DENND5A: variants seen among roughly 807,000 people sequenced by gnomAD.
The protein encoded by DENND5A is DENN domain-containing protein 5A.
Under a neutral mutation model 140.3 loss-of-function variants are expected in DENND5A, and 64 were observed. That is an observed-to-expected ratio of 0.46 (90% CI 0.37 to 0.56). DENND5A has a LOEUF of 0.56. Ranked by LOEUF, DENND5A falls within the 20% of genes least tolerant of loss-of-function variation. The pLI is 0.00. For synonymous variants in DENND5A, 605 were observed against 607.7 expected (o/e 1.00, Z 0.07); for missense variants, 1,292 against 1,593.8 (o/e 0.81, Z 3.22).
At chr11:9,174,102 C>CAAAAAAAAAAAAAAAAA (rs57703622) in intron 8 of DENND5A, among the ~76,000 whole-genome samples, 3 of 42,150 alleles carry the variant, frequency 7.1e-5, no homozygotes, top group Non-Finnish European at 8.3e-5. Flanking sequence ...GACTCCGTCT[C>CAAAAAAAAAAAAAAAAA]AAAAAAAAAA....
At chr11:9,166,350 T>A (rs1407666465) in intron 10 of DENND5A, among the ~76,000 whole-genome samples, 1 of 152,216 alleles carries the variant, frequency 6.6e-6, no homozygotes, top group Non-Finnish European at 1.5e-5. Context: ...GTACTGAGAT[T>A]ACAGGCATGA....
intron 12 of DENND5A, among the ~76,000 whole-genome samples, chr11:9,153,009 AAC>A (rs1847676686): frequency 6.7e-6 from 1 of 148,720 alleles, no homozygotes. Flanking sequence ...AAAAAAAAAA[AAC>A]AAAAAAGAAA....
intron 1 of DENND5A, among the ~76,000 whole-genome samples, chr11:9,258,278 C>A (rs113351500): frequency 0.063 from 8,125 of 128,764 alleles, 311 homozygotes; most frequent in South Asian, 0.12. Context: ...CTCCCCTAGT[C>A]CCCCACCCCC....
intron 8 of DENND5A, among the ~76,000 whole-genome samples, chr11:9,174,146 A>C (rs1015258643): frequency 6.6e-6 from 1 of 150,580 alleles, no homozygotes; most frequent in African/African-American, 2.4e-5. Context: ...AAAATTGAAA[A>C]TATTCAATTA....
At chr11:9,215,206 ATT>A (rs1389326718) in intron 1 of DENND5A, among the ~76,000 whole-genome samples, 3 of 152,152 alleles carry the variant, frequency 2.0e-5, no homozygotes, top group African/African-American at 7.2e-5. Flanking sequence ...CACAGCCATT[ATT>A]TTTATTGATG....
At chr11:9,235,396 C>T (rs566297202) in intron 1 of DENND5A, among the ~76,000 whole-genome samples, 21 of 152,250 alleles carry the variant, frequency 1.4e-4, no homozygotes, top group African/African-American at 4.6e-4. Flanking sequence ...GGGTGGCTCA[C>T]GCCTGTAATC....
Position 9,165,939 on chromosome 11 carries a change from C to G in DENND5A, c.2180G>C (p.Gly727Ala), listed in dbSNP as rs1290008101. The change falls in exon 11 of 23, where the codon GGC becomes GCC. Residue 727 changes from glycine to alanine, a missense_variant. Physicochemically the swap from Gly to Ala is moderately conservative, Grantham distance 60 (BLOSUM62 0). Coordinates refer to ENST00000328194, the MANE Select transcript of DENND5A (RefSeq NM_015213.4). Reference sequence around the variant, plus strand: ...CAGTTTGGGCTGGCGGATAGTGCTGCCCATAGTCCTGGCTTCCTGGATGTA... The same window carrying G: ...CAGTTTGGGCTGGCGGATAGTGCTGGCCATAGTCCTGGCTTCCTGGATGTA... ...EKYIQEARTM[G>A]STIRQPKLSN... 1.9e-6 allele frequency: 3 copies of G among 1,614,038 alleles called. No individual in the cohort carries two copies. In the African/African-American group the frequency reaches 4.0e-5, roughly 22 times the overall value.
At chr11:9,261,246 G>T (rs1852185402) in intron 1 of DENND5A, among the ~76,000 whole-genome samples, 1 of 152,042 alleles carries the variant, frequency 6.6e-6, no homozygotes, top group South Asian at 2.1e-4. Context: ...GCTTATTCTG[G>T]GTTCACTTTT....
At chr11:9,160,909 G>A in intron 11 of DENND5A, 44 bp from the exon 12 acceptor site, 1 of 1,596,374 alleles carries the variant, frequency 6.3e-7, no homozygotes, top group Non-Finnish European at 8.6e-7. Context: ...ACAGTGAGCA[G>A]GATTACATAC....
At chr11:9,159,329 T>C (rs1847905299) in intron 12 of DENND5A, among the ~76,000 whole-genome samples, 1 of 151,472 alleles carries the variant, frequency 6.6e-6, no homozygotes, top group Non-Finnish European at 1.5e-5. Context: ...TTCTTTTTTT[T>C]TTTTTTTTGA....
rs529243582 is a variant in DENND5A, at chr11:9,234,320, C to T, written c.110-26688G>A. On this transcript the variant is annotated intron_variant, in intron 1 of 22. Transcript: ENST00000328194. ...CTCAATCTTTCCCACCGATCCCCCC[C>T]CCAAAAAAATGAGCAAAAAGAGAAA... 1.0e-3 allele frequency among the ~76,000 whole-genome samples: 153 copies of T among 152,064 alleles called. 2 individuals are homozygous for T. The highest frequency in any genetic ancestry group is 3.4e-3 in the African/African-American group (143 of 41,490).
rs1427104230 is a variant in DENND5A at position 9,229,524 on chromosome 11, C to T, written c.110-21892G>A. Among the ~76,000 whole-genome samples the T allele has an allele frequency of 4.6e-5, 7 of 152,150 alleles. No individual in the cohort carries two copies. In the South Asian group the frequency reaches 1.2e-3, roughly 27 times the overall value. ...AACCAGAATCCCCCTTTCCCCAAGG[C>T]GGGTCACAGATAATAGAAAAGCAAG... On this transcript the variant is annotated intron_variant, in intron 1 of 22. Transcript: ENST00000328194.
chr11:9,174,982 GA>G (rs1554917827), intron 8 of DENND5A, among the ~76,000 whole-genome samples: 1 of 148,862 alleles, frequency 6.7e-6, no homozygotes, highest in Admixed American at 6.8e-5. Context: ...AGAAGAAGAA[GA>G]AAAAGAAAAG....
chr11:9,259,551 G>GT (rs1852101365), intron 1 of DENND5A, among the ~76,000 whole-genome samples: 1 of 152,088 alleles, frequency 6.6e-6, no homozygotes, highest in Admixed American at 6.6e-5. Flanking sequence ...GGGCGACAGA[G>GT]TGAGACTCCC....
At chr11:9,264,636 A>G (rs1852361181) in intron 1 of DENND5A, among the ~76,000 whole-genome samples, 1 of 152,036 alleles carries the variant, frequency 6.6e-6, no homozygotes, top group Non-Finnish European at 1.5e-5. Context: ...TCCCTCCCTA[A>G]TGGGTGCCAG....
chr11:9,168,939 T>C (rs1200908093), intron 10 of DENND5A, among the ~76,000 whole-genome samples: 1 of 152,154 alleles, frequency 6.6e-6, no homozygotes, highest in African/African-American at 2.4e-5. Flanking sequence ...AGTTTATAAC[T>C]AGAAACTTAA....
intron 1 of DENND5A, among the ~76,000 whole-genome samples, chr11:9,248,287 T>G (rs1851565056): frequency 6.6e-6 from 1 of 152,066 alleles, no homozygotes; most frequent in South Asian, 2.1e-4. Context: ...CCAGCTGGAA[T>G]TTCGTATCTT....
intron 16 of DENND5A, among the ~76,000 whole-genome samples, chr11:9,146,502 G>C (rs1847435857): frequency 1.3e-5 from 2 of 152,158 alleles, no homozygotes; most frequent in Non-Finnish European, 2.9e-5. Flanking sequence ...AGAGAGACTG[G>C]GACTCACAGC....
chr11:9,232,621 G>A (rs1850820143), intron 1 of DENND5A, among the ~76,000 whole-genome samples: 1 of 152,156 alleles, frequency 6.6e-6, no homozygotes, highest in African/African-American at 2.4e-5. Context: ...CACTGCAAGT[G>A]GGAATGTAAA....
Sources: gnomAD v4.1 joint callset for allele counts (sites outside exome capture counted in the v4.1 genomes callset) on GRCh38, gnomAD v4.1.1 for gene constraint, MANE v1.5 for transcripts, NCBI Gene and HGNC (gene_info 2026-07-23, HGNC 2026-07-21) for gene names.